ENDOD1: variants seen among roughly 807,000 people sequenced by gnomAD.
ENDOD1 encodes endonuclease domain-containing 1 protein.
Under a neutral mutation model 6.5 loss-of-function variants are expected in ENDOD1, and 9 were observed. The observed-to-expected ratio is 1.39, with a 90% CI of 0.84 to 2.43. ENDOD1 has a LOEUF of 2.43. ENDOD1 is among the 30% of genes most tolerant of loss of function. The pLI, the probability that ENDOD1 is intolerant of heterozygous loss-of-function variation, is 0.00. For synonymous variants in ENDOD1, 255 were observed against 255.2 expected (o/e 1.00, Z 0.01); for missense variants, 648 against 635.5 (o/e 1.02, Z -0.21).
chr11:95,105,369 G>A (rs1859079578), intron 1 of ENDOD1, among the ~76,000 whole-genome samples: 1 of 152,112 alleles, frequency 6.6e-6, no homozygotes, highest in Non-Finnish European at 1.5e-5. Flanking sequence ...ATAATACCTG[G>A]TACAATGTAA....
At chr11:95,092,182 A>G (rs1408245777) in intron 1 of ENDOD1, among the ~76,000 whole-genome samples, 4 of 152,108 alleles carry the variant, frequency 2.6e-5, no homozygotes, top group Non-Finnish European at 5.9e-5. Flanking sequence ...AACAAACATC[A>G]TGAGTGAGAA....
intron 1 of ENDOD1, among the ~76,000 whole-genome samples, chr11:95,099,080 G>T (rs953927015): frequency 2.0e-5 from 3 of 152,166 alleles, no homozygotes; most frequent in African/African-American, 4.8e-5. Context: ...GAAGGGTGGG[G>T]TTATTGCAAG....
intron 1 of ENDOD1, among the ~76,000 whole-genome samples, chr11:95,121,992 G>A (rs1004691785): frequency 6.6e-6 from 1 of 152,166 alleles, no homozygotes. Flanking sequence ...GTGTGCAAAT[G>A]AGCAGGTATA....
chr11:95,131,083 A>G lies in ENDOD1; in HGVS notation c.*1504A>G, dbSNP rs1172885417. On this transcript the variant is annotated 3_prime_UTR_variant, in exon 2 of 2. Transcript: ENST00000278505. The stretch of plus-strand genomic sequence containing the variant: ...GGATGAGAAACATGAGCGTAGCAAG[A>G]GTTACATTTTGCAGAAAAATAGCGG... The G allele has an allele frequency of 6.6e-6, 1 of 152,234 alleles. No homozygotes were observed. The highest frequency in any genetic ancestry group is 2.4e-5 in the African/African-American group (1 of 41,454). 9.4% of individuals were successfully genotyped at this position (152,234 alleles called of 1,614,324 possible).
At chr11:95,125,438 TTTATTA>T (rs201596098) in intron 1 of ENDOD1, among the ~76,000 whole-genome samples, 3 of 151,524 alleles carry the variant, frequency 2.0e-5, no homozygotes, top group Non-Finnish European at 2.9e-5. Context: ...AATGAGCTTC[TTTATTA>T]TTATTATTAT....
Position 95,129,096 on chromosome 11 carries a change from CA to C in ENDOD1, c.1022del (p.Lys341SerfsTer5). ...LMGFIATPFI[K>X]LFQLIYYLVV... Reference sequence around the variant, plus strand: ...TGGGCTTCATTGCTACCCCATTCATCAAGCTTTTTCAATTAATTTATTACCT... The same window carrying C: ...TGGGCTTCATTGCTACCCCATTCATCAGCTTTTTCAATTAATTTATTACCT... On this transcript the variant is annotated frameshift_variant, in exon 2 of 2. Transcript: ENST00000278505. LOFTEE classifies it low-confidence loss of function (END_TRUNC). 11 of 1,614,070 alleles carry C rather than the reference CA, an allele frequency of 6.8e-6. No individual in the cohort carries two copies. Among genetic ancestry groups the C allele is most frequent in the Non-Finnish European group, 9.3e-6 (11 of 1,180,024 alleles).
intron 1 of ENDOD1, among the ~76,000 whole-genome samples, chr11:95,125,224 A>G (rs1008029739): frequency 6.6e-6 from 1 of 152,180 alleles, no homozygotes; most frequent in African/African-American, 2.4e-5. Flanking sequence ...AGAAGGAATG[A>G]AGGCACTGCA....
Position 95,130,101 on chromosome 11 carries a change from G to T in ENDOD1, c.*522G>T, listed in dbSNP as rs1565450516. The stretch of plus-strand genomic sequence containing the variant: ...GGTGGAATGCAGATAATGCCTCTTT[G>T]TTGAAATAACTTTGTGGGAATGTAC... On this transcript the variant is annotated 3_prime_UTR_variant, in exon 2 of 2. Coordinates refer to ENST00000278505, the MANE Select transcript of ENDOD1 (RefSeq NM_015036.3). 1 of 152,366 alleles carries T rather than the reference G, an allele frequency of 6.6e-6. No individual in the cohort carries two copies. Among genetic ancestry groups the T allele is most frequent in the Admixed American group, 6.5e-5 (1 of 15,310 alleles). 9.4% of individuals were successfully genotyped at this position (152,366 alleles called of 1,614,324 possible).
rs1859331613 is a variant in ENDOD1 at position 95,128,358 on chromosome 11, A to C, written c.301-19A>C. ...GCTGTAAGCAGGGATGCATCTCACC[A>C]CTTGTTTTCTTCTTGCAGATCGATG... is the stretch of plus-strand genomic sequence containing the variant. On this transcript the variant is annotated intron_variant, in intron 1 of 1. Coordinates refer to ENST00000278505, the MANE Select transcript of ENDOD1 (RefSeq NM_015036.3). 1 of 1,601,658 alleles carries C rather than the reference A, an allele frequency of 6.2e-7. No individual in the cohort carries two copies. The highest frequency in any genetic ancestry group is 1.7e-5 in the Admixed American group (1 of 59,330).
At chr11:95,125,202 T>G (rs1698767974) in intron 1 of ENDOD1, among the ~76,000 whole-genome samples, 1 of 152,124 alleles carries the variant, frequency 6.6e-6, no homozygotes, top group Non-Finnish European at 1.5e-5. Flanking sequence ...AAAACAATCT[T>G]TAGATTCCCC....
chr11:95,094,028 C>T (rs1858956948), intron 1 of ENDOD1, among the ~76,000 whole-genome samples: 1 of 151,762 alleles, frequency 6.6e-6, no homozygotes, highest in African/African-American at 2.4e-5. Context: ...GATAAGATGC[C>T]AATGATACCT....
intron 1 of ENDOD1, among the ~76,000 whole-genome samples, chr11:95,097,950 C>A (rs1859002492): frequency 6.6e-6 from 1 of 152,126 alleles, no homozygotes; most frequent in East Asian, 1.9e-4. Context: ...GGTTGAGTAT[C>A]CCTAATCTGA....
rs1555109702 is a variant in ENDOD1, at chr11:95,090,178, C to CGCGCCCT, written c.258_264dup (p.Gly89CysfsTer17). ...CCCGTGTACTCCGCGTTCCGCGCCC[C>CGCGCCCT]GCGCCCTGCGCCCGGCGGCGCCGAG... On this transcript the variant is annotated frameshift_variant, in exon 1 of 2. Coordinates refer to ENST00000278505, the MANE Select transcript of ENDOD1 (RefSeq NM_015036.3). LOFTEE classifies it low-confidence loss of function (END_TRUNC). The CGCGCCCT allele has an allele frequency of 9.1e-6, 13 of 1,426,982 alleles. No individual in the cohort carries two copies. The highest frequency in any genetic ancestry group is 1.2e-5 in the Non-Finnish European group (13 of 1,073,988). 88.4% of individuals were successfully genotyped at this position (1,426,982 alleles called of 1,614,324 possible).
intron 1 of ENDOD1, among the ~76,000 whole-genome samples, chr11:95,107,340 A>G (rs1555111509): frequency 1.5e-5 from 2 of 134,700 alleles, no homozygotes; most frequent in African/African-American, 5.4e-5. Context: ...TCTCAAAAAG[A>G]AAAAAAAAAA....
At chr11:95,101,518 T>G (rs1198951037) in intron 1 of ENDOD1, among the ~76,000 whole-genome samples, 1 of 149,500 alleles carries the variant, frequency 6.7e-6, no homozygotes, top group Non-Finnish European at 1.5e-5. Flanking sequence ...TTACAATACT[T>G]AGTTTTTTAA....
intron 1 of ENDOD1, among the ~76,000 whole-genome samples, chr11:95,110,363 C>T (rs1555111785): frequency 6.6e-6 from 1 of 152,224 alleles, no homozygotes; most frequent in African/African-American, 2.4e-5. Context: ...ATCATGGTCA[C>T]CAGTGTACTG....
At chr11:95,125,833 C>T (rs1452155307) in intron 1 of ENDOD1, among the ~76,000 whole-genome samples, 1 of 152,116 alleles carries the variant, frequency 6.6e-6, no homozygotes, top group Admixed American at 6.5e-5. Context: ...TTTCTTAATC[C>T]AGTCTATCAC....
intron 1 of ENDOD1, among the ~76,000 whole-genome samples, chr11:95,108,076 A>G (rs1371113359): frequency 6.6e-6 from 1 of 152,156 alleles, no homozygotes; most frequent in South Asian, 2.1e-4. Flanking sequence ...CAGGCCACCC[A>G]TTGGCCTTCA....
Position 95,096,744 on chromosome 11 carries a change from T to G in ENDOD1, c.300+6517T>G, listed in dbSNP as rs114073209. ...ATTCATTTTAGTCAACAAATCTTTA[T>G]TGAGCATCTGCTATGTGTGAGGCAC... On this transcript the variant is annotated intron_variant, in intron 1 of 1. Transcript: ENST00000278505. 6.9e-3 allele frequency among the ~76,000 whole-genome samples: 1,056 copies of G among 152,320 alleles called. 10 individuals are homozygous for G. The highest frequency in any genetic ancestry group is 0.024 in the African/African-American group (1,009 of 41,570).
Sources: allele counts gnomAD v4.1 joint callset (sites outside exome capture counted in the v4.1 genomes callset), GRCh38; gene constraint gnomAD v4.1.1; transcripts MANE v1.5; gene names NCBI Gene and HGNC (gene_info 2026-07-23, HGNC 2026-07-21).